Variants in SPIDR observed in about 807,000 individuals in gnomAD.
SPIDR encodes DNA repair-scaffolding protein.
A neutral mutation model predicts 104.6 loss-of-function variants in SPIDR; 93 were observed. The ratio of observed to expected loss-of-function variants is 0.89; its 90% CI spans 0.75 to 1.06. The LOEUF (loss-of-function observed/expected upper bound fraction) is 1.06. Among genes scored for constraint, SPIDR ranks in the 50% least tolerant of loss-of-function variants. The probability of loss-of-function intolerance (pLI) is 0.00; values close to 1 mark genes in which losing one functional copy is unlikely to be tolerated. For synonymous variants in SPIDR, 431 were observed against 416.9 expected, an observed-to-expected ratio of 1.03 and a Z score of -0.41; for missense variants, 1,154 against 1,111.2, an observed-to-expected ratio of 1.04 and a Z score of -0.55.
intron 5 of SPIDR, among the ~76,000 whole-genome samples, chr8:47,381,746 C>G (rs1188620354): frequency 6.6e-6 from 1 of 152,252 alleles, no homozygotes; most frequent in Non-Finnish European, 1.5e-5. Flanking sequence ...ACCTGCCCCA[C>G]GTGGCACCAG....
At position 47,664,632 on chromosome 8, in the gene SPIDR, G is replaced by A. The variant is rs903035658; in HGVS notation, c.1545-9169G>A. Among the ~76,000 whole-genome samples the A allele has an allele frequency of 4.7e-5, 7 of 150,056 alleles. No individual in the cohort carries two copies. In the Admixed American group the frequency reaches 4.8e-4, roughly 10 times the overall value. On this transcript the variant is annotated intron_variant, in intron 10 of 19. Transcript: ENST00000297423. Reference sequence around the variant, plus strand: ...CTTGAAATTAAGATAATGAGGCTGCGCATGGAAGCTCACACCTGTAATCCA... The same window carrying A: ...CTTGAAATTAAGATAATGAGGCTGCACATGGAAGCTCACACCTGTAATCCA...
intron 8 of SPIDR, among the ~76,000 whole-genome samples, chr8:47,489,539 G>C (rs1303768035): frequency 6.6e-6 from 1 of 151,984 alleles, no homozygotes; most frequent in African/African-American, 2.4e-5. Context: ...GAGCCACATT[G>C]CCAAGACAAT....
Position 47,640,841 on chromosome 8 carries a change from CTTTTTTTTTTTTTTTTTTTTTTT to C in SPIDR, c.1545-32938_1545-32916del, listed in dbSNP as rs57405701. Among the ~76,000 whole-genome samples, 62 of 41,300 alleles carry C rather than the reference CTTTTTTTTTTTTTTTTTTTTTTT, an allele frequency of 1.5e-3. 1 individual carries two copies. The highest frequency in any genetic ancestry group is 7.0e-3 in the East Asian group (11 of 1,578). 27.1% of individuals were successfully genotyped at this position (41,300 alleles called of 152,430 possible). A position where few individuals can be genotyped will look rare whatever the true frequency, so the allele number is the denominator to read the frequency against. ...TACAGGTACACACTGCCACACCCAGCTTTTTTTTTTTTTTTTTTTTTTTTTTTTTTTTTTTTTTTTTTTTGTAT... is the reference window on the plus strand; with the variant it reads ...TACAGGTACACACTGCCACACCCAGCTTTTTTTTTTTTTTTTTTTTTGTAT... On this transcript the variant is annotated intron_variant, in intron 10 of 19. Transcript: ENST00000297423.
At chr8:47,702,473 C>G (rs1257619867) in intron 14 of SPIDR, among the ~76,000 whole-genome samples, 6 of 152,136 alleles carry the variant, frequency 3.9e-5, no homozygotes, top group East Asian at 1.9e-4. Context: ...ACTTTTAGAG[C>G]CTTCAAAACT....
intron 10 of SPIDR, among the ~76,000 whole-genome samples, chr8:47,662,334 C>T (rs1426213200): frequency 6.6e-6 from 1 of 152,186 alleles, no homozygotes; most frequent in African/African-American, 2.4e-5. Flanking sequence ...ACCGGGGTTG[C>T]AAGTTTCTCA....
intron 14 of SPIDR, among the ~76,000 whole-genome samples, chr8:47,702,488 G>GC (rs1039782010): frequency 1.3e-5 from 2 of 152,158 alleles, no homozygotes; most frequent in East Asian, 3.9e-4. Context: ...AAAACTGAAA[G>GC]CCCCCCCATC....
At chr8:47,426,578 A>G (rs1259197397) in intron 7 of SPIDR, among the ~76,000 whole-genome samples, 1 of 152,192 alleles carries the variant, frequency 6.6e-6, no homozygotes, top group East Asian at 1.9e-4. Flanking sequence ...AAACAAAACC[A>G]TATTTTACAC....
chr8:47,552,202 A>G (rs1030523377), intron 8 of SPIDR, among the ~76,000 whole-genome samples: 14 of 152,176 alleles, frequency 9.2e-5, no homozygotes, highest in Admixed American at 2.6e-4. Context: ...TATGTGGTCA[A>G]TTTTGGAATA....
intron 10 of SPIDR, among the ~76,000 whole-genome samples, chr8:47,655,373 C>T (rs2072559933): frequency 1.3e-5 from 2 of 152,216 alleles, no homozygotes; most frequent in Non-Finnish European, 2.9e-5. Context: ...TCTCCACATC[C>T]TCTCCAGCAC....
chr8:47,542,438 C>T (rs919187666), intron 8 of SPIDR, among the ~76,000 whole-genome samples: 3 of 151,940 alleles, frequency 2.0e-5, no homozygotes, highest in East Asian at 1.9e-4. Context: ...GGAAAGCTGA[C>T]GTTAAAGAAG....
At chr8:47,385,668 C>G (rs1402950457) in intron 5 of SPIDR, among the ~76,000 whole-genome samples, 2 of 152,220 alleles carry the variant, frequency 1.3e-5, no homozygotes, top group African/African-American at 4.8e-5. Context: ...ATCACGTTTC[C>G]TTGGAATGCC....
intron 1 of SPIDR, among the ~76,000 whole-genome samples, chr8:47,264,933 T>C (rs1039020055): frequency 1.4e-4 from 21 of 152,308 alleles, no homozygotes; most frequent in African/African-American, 4.6e-4. Flanking sequence ...AGAAATCATA[T>C]GAGGACAAAG....
chr8:47,709,611 T>G (rs2081566471), intron 14 of SPIDR, among the ~76,000 whole-genome samples: 2 of 152,214 alleles, frequency 1.3e-5, no homozygotes, highest in African/African-American at 4.8e-5. Flanking sequence ...CTTTTAGCAA[T>G]GTAGTGGTAG....
At chr8:47,676,386 A>G (rs2076450109) in intron 11 of SPIDR, among the ~76,000 whole-genome samples, 1 of 152,126 alleles carries the variant, frequency 6.6e-6, no homozygotes, top group Non-Finnish European at 1.5e-5. Context: ...AAATGTTTAG[A>G]TTGTGTTCTT....
At chr8:47,659,184 C>T (rs895153673) in intron 10 of SPIDR, among the ~76,000 whole-genome samples, 1 of 152,038 alleles carries the variant, frequency 6.6e-6, no homozygotes, top group African/African-American at 2.4e-5. Flanking sequence ...CAGTTGAGCC[C>T]AGGAGTTGAG....
At chr8:47,733,229 AT>A (rs1269190730) in intron 19 of SPIDR, among the ~76,000 whole-genome samples, 1 of 152,144 alleles carries the variant, frequency 6.6e-6, no homozygotes, top group Non-Finnish European at 1.5e-5. Context: ...TCTATTAAAA[AT>A]TAAAAAATTA....
chr8:47,561,857 G>A (rs2057126236), intron 8 of SPIDR, among the ~76,000 whole-genome samples: 1 of 152,214 alleles, frequency 6.6e-6, no homozygotes, highest in Non-Finnish European at 1.5e-5. Flanking sequence ...ATACAAAGAA[G>A]TGGTTTTGAA....
At chr8:47,371,896 G>T (rs2058078816) in intron 5 of SPIDR, among the ~76,000 whole-genome samples, 1 of 152,132 alleles carries the variant, frequency 6.6e-6, no homozygotes, top group Non-Finnish European at 1.5e-5. Context: ...CATATTATTT[G>T]TCCCCTGGTT....
intron 8 of SPIDR, among the ~76,000 whole-genome samples, chr8:47,475,546 G>A (rs2076183214): frequency 6.6e-6 from 1 of 152,194 alleles, no homozygotes; most frequent in African/African-American, 2.4e-5. Context: ...AAAATTGCAA[G>A]TAAAATATCA....
Sources: allele counts gnomAD v4.1 joint callset (sites outside exome capture counted in the v4.1 genomes callset), GRCh38; gene constraint gnomAD v4.1.1; transcripts MANE v1.5; gene names NCBI Gene and HGNC (gene_info 2026-07-23, HGNC 2026-07-21).